SLC24A2: variants seen among roughly 807,000 people sequenced by gnomAD.
SLC24A2 encodes the protein solute carrier family 24 member 2, also known as sodium/potassium/calcium exchanger 2.
SLC24A2 carries 36 observed loss-of-function variants against 62.0 expected under a neutral mutation model. The observed-to-expected ratio is 0.58, with a 90% CI of 0.44 to 0.77. The LOEUF (loss-of-function observed/expected upper bound fraction) is 0.77, where lower values mean the gene tolerates loss of function less well. Among genes scored for constraint, SLC24A2 ranks in the 30% least tolerant of loss-of-function variants. The pLI, the probability that SLC24A2 is intolerant of heterozygous loss-of-function variation, is 0.00. For missense variants in SLC24A2, 846 were observed against 817.9 expected, an observed-to-expected ratio of 1.03 and a Z score of -0.42; for synonymous variants, 358 against 294.0, an observed-to-expected ratio of 1.22 and a Z score of -2.23.
the SLC24A2 span, among the ~76,000 whole-genome samples, chr9:19,878,784 G>T: frequency 6.6e-6 from 1 of 152,122 alleles, no homozygotes; most frequent in Admixed American, 6.5e-5. Context: ...TGTGGAACTG[G>T]AAGTCAATTA....
chr9:19,779,420 G>A (rs778578716), intron 2 of SLC24A2, among the ~76,000 whole-genome samples: 2 of 152,202 alleles, frequency 1.3e-5, no homozygotes, highest in African/African-American at 2.4e-5. Flanking sequence ...TCTTTCAACA[G>A]CAAAAACGGA....
At chr9:19,718,346 G>T (rs1037966934) in intron 2 of SLC24A2, among the ~76,000 whole-genome samples, 2 of 131,350 alleles carry the variant, frequency 1.5e-5, no homozygotes, top group Admixed American at 8.9e-5. Flanking sequence ...AGGCTGGAGT[G>T]CAGTGGTGCA....
At chr9:19,686,385 G>C (rs527671929) in intron 2 of SLC24A2, among the ~76,000 whole-genome samples, 2 of 152,218 alleles carry the variant, frequency 1.3e-5, no homozygotes, top group South Asian at 4.1e-4. Flanking sequence ...AGTAACATTT[G>C]ACCCAGCAAT....
chr9:19,995,309 T>A, the SLC24A2 span, among the ~76,000 whole-genome samples: 3 of 152,222 alleles, frequency 2.0e-5, no homozygotes, highest in African/African-American at 7.2e-5. Flanking sequence ...TTTAGAAATA[T>A]GTTCATCCTT....
chr9:19,571,316 T>C (rs1163443082), intron 7 of SLC24A2, among the ~76,000 whole-genome samples: 2 of 152,200 alleles, frequency 1.3e-5, no homozygotes, highest in African/African-American at 4.8e-5. Flanking sequence ...AGGCTCCTTA[T>C]TCTTTCTGTT....
At chr9:19,804,860 T>A in the SLC24A2 span, among the ~76,000 whole-genome samples, 14 of 152,150 alleles carry the variant, frequency 9.2e-5, no homozygotes, top group African/African-American at 3.4e-4. Context: ...TTAGATTTTA[T>A]AAAATGCTTC....
At chr9:20,255,389 A>G in the SLC24A2 span, among the ~76,000 whole-genome samples, 1 of 152,222 alleles carries the variant, frequency 6.6e-6, no homozygotes, top group Admixed American at 6.5e-5. Flanking sequence ...ATTGTTCCAC[A>G]ATAAGCTACC....
At chr9:19,854,841 T>G in the SLC24A2 span, among the ~76,000 whole-genome samples, 1 of 152,170 alleles carries the variant, frequency 6.6e-6, no homozygotes, top group Non-Finnish European at 1.5e-5. Flanking sequence ...GTCCTGAATA[T>G]CTTTGTTAAT....
chr9:20,286,622 G>A, the SLC24A2 span, among the ~76,000 whole-genome samples: 1 of 152,236 alleles, frequency 6.6e-6, no homozygotes, highest in East Asian at 1.9e-4. Context: ...AGAACTGAGG[G>A]AGAAGGAGAG....
the SLC24A2 span, among the ~76,000 whole-genome samples, chr9:19,823,238 G>T: frequency 6.6e-6 from 1 of 151,896 alleles, no homozygotes; most frequent in African/African-American, 2.4e-5. Context: ...TTACAGAAAA[G>T]TTGCAAGAAT....
chr9:19,973,718 C>T, the SLC24A2 span, among the ~76,000 whole-genome samples: 1 of 152,200 alleles, frequency 6.6e-6, no homozygotes, highest in Non-Finnish European at 1.5e-5. Context: ...ATACCAGATA[C>T]CTCCAAACCA....
At chr9:19,693,080 TTTTA>T (rs1363976213) in intron 2 of SLC24A2, among the ~76,000 whole-genome samples, 4 of 152,260 alleles carry the variant, frequency 2.6e-5, no homozygotes, top group South Asian at 2.1e-4. Context: ...TTTGTCTATC[TTTTA>T]TTTATTTACT....
chr9:20,196,062 G>A, the SLC24A2 span, among the ~76,000 whole-genome samples: 1 of 152,018 alleles, frequency 6.6e-6, no homozygotes. Context: ...TGATATAAAC[G>A]TTCATCTATG....
At chr9:20,188,288 G>A in the SLC24A2 span, among the ~76,000 whole-genome samples, 1 of 152,170 alleles carries the variant, frequency 6.6e-6, no homozygotes, top group Non-Finnish European at 1.5e-5. Flanking sequence ...GTGCCATCAT[G>A]AGGTTTCCTT....
rs1047910137 is a variant in SLC24A2 at position 19,509,422 on chromosome 9, C to A, written c.*6731G>T. The A allele has an allele frequency of 1.6e-4, 25 of 152,030 alleles. No individual in the cohort carries two copies. The highest frequency in any genetic ancestry group is 5.8e-4 in the African/African-American group (24 of 41,406). The allele number at this position is 152,030 out of a possible 1,614,324, so 9.4% of individuals were successfully genotyped here. A position where few individuals can be genotyped will look rare whatever the true frequency, so the allele number is the denominator to read the frequency against. On this transcript the variant is annotated 3_prime_UTR_variant, in exon 11 of 11. Coordinates refer to ENST00000341998, the MANE Select transcript of SLC24A2 (RefSeq NM_020344.4). ...AAACTCCAATTTACAATAAACAATA[C>A]AAAACAGGAATGACTCATGGACTGC... is the stretch of plus-strand genomic sequence containing the variant.
chr9:20,082,630 T>C, the SLC24A2 span, among the ~76,000 whole-genome samples: 21 of 152,358 alleles, frequency 1.4e-4, 1 homozygote, highest in South Asian at 3.9e-3. Flanking sequence ...TAAATGTTCT[T>C]GTGCCTCCAG....
chr9:20,051,657 C>CTGTTTTTTTTTTTTTTTTTTTTTTTTT, the SLC24A2 span, among the ~76,000 whole-genome samples: 1 of 73,514 alleles, frequency 1.4e-5, no homozygotes, highest in Non-Finnish European at 2.4e-5. Context: ...TTTTCTTTCT[C>CTGTTTTTTTTTTTTTTTTTTTTTTTTT]TTTTTTTTTT....
the SLC24A2 span, among the ~76,000 whole-genome samples, chr9:19,923,880 T>C: frequency 6.6e-6 from 1 of 152,190 alleles, no homozygotes; most frequent in East Asian, 1.9e-4. Context: ...CCCGAGTAGC[T>C]GGGATTACAG....
the SLC24A2 span, among the ~76,000 whole-genome samples, chr9:20,034,732 T>G: frequency 6.6e-6 from 1 of 152,188 alleles, no homozygotes; most frequent in Non-Finnish European, 1.5e-5. Flanking sequence ...CCTCCCAAAG[T>G]GCTGGGATTA....
Sources: allele counts gnomAD v4.1 joint callset (sites outside exome capture counted in the v4.1 genomes callset), GRCh38; gene constraint gnomAD v4.1.1; transcripts MANE v1.5; gene names NCBI Gene and HGNC (gene_info 2026-07-23, HGNC 2026-07-21).